BCAS1: variants seen among roughly 807,000 people sequenced by gnomAD.
The protein encoded by BCAS1 is brain enriched myelin associated protein 1, also known as breast carcinoma-amplified sequence 1.
Under a neutral mutation model 65.4 loss-of-function variants are expected in BCAS1, and 46 were observed. The ratio of observed to expected loss-of-function variants is 0.70; its 90% CI spans 0.55 to 0.90. The LOEUF is 0.90. Among genes scored for constraint, BCAS1 ranks in the 40% least tolerant of loss-of-function variants. BCAS1 has a pLI of 0.00. For synonymous variants in BCAS1, 298 were observed against 293.5 expected, an observed-to-expected ratio of 1.02 and a Z score of -0.16; for missense variants, 793 against 771.2, an observed-to-expected ratio of 1.03 and a Z score of -0.33.
intron 4 of BCAS1, among the ~76,000 whole-genome samples, chr20:54,022,871 A>G (rs968118639): frequency 2.0e-5 from 3 of 152,216 alleles, no homozygotes; most frequent in African/African-American, 7.2e-5. Context: ...ACACTTCCAC[A>G]TCACCTCTGC....
At chr20:54,000,127 T>C (rs1429403203) in intron 4 of BCAS1, among the ~76,000 whole-genome samples, 2 of 152,232 alleles carry the variant, frequency 1.3e-5, no homozygotes, top group Admixed American at 6.5e-5. Context: ...GCTTTATTTT[T>C]CTCCTAGTAG....
rs1236588857 is a variant in BCAS1 at position 54,033,844 on chromosome 20, C to A, written c.143-4872G>T. 1.3e-5 allele frequency among the ~76,000 whole-genome samples: 2 copies of A among 151,108 alleles called. 1 individual carries two copies. Among genetic ancestry groups the A allele is most frequent in the Non-Finnish European group, 3.0e-5 (2 of 67,548 alleles). On this transcript the variant is annotated intron_variant, in intron 3 of 12. Transcript: ENST00000688948. ...ATATCAAAACCTGGCAGATATACAA[C>A]AAGAAAAGCTTCAGGCCAATATCCT... is the stretch of plus-strand genomic sequence containing the variant.
intron 4 of BCAS1, among the ~76,000 whole-genome samples, chr20:54,006,521 C>T (rs907888090): frequency 1.3e-5 from 2 of 152,016 alleles, no homozygotes; most frequent in East Asian, 3.9e-4. Context: ...ACCAGCCTGG[C>T]CAACATGGTG....
chr20:54,018,036 T>A (rs1028369143), intron 4 of BCAS1, among the ~76,000 whole-genome samples: 2 of 152,240 alleles, frequency 1.3e-5, no homozygotes, highest in Non-Finnish European at 2.9e-5. Flanking sequence ...CAGTTTTGAA[T>A]GCTGCCAGAA....
chr20:54,065,345 C>T (rs1568938221), intron 1 of BCAS1, among the ~76,000 whole-genome samples: 2 of 152,162 alleles, frequency 1.3e-5, no homozygotes, highest in Non-Finnish European at 2.9e-5. Flanking sequence ...TGGAAATATG[C>T]TGTTCTTTGT....
intron 3 of BCAS1, among the ~76,000 whole-genome samples, chr20:54,029,596 T>C (rs2091757414): frequency 6.6e-6 from 1 of 152,272 alleles, no homozygotes; most frequent in South Asian, 2.1e-4. Context: ...TATCTAATTT[T>C]CTGTGCCTCA....
chr20:53,948,660 A>C (rs1247640859), intron 12 of BCAS1, among the ~76,000 whole-genome samples: 1 of 152,198 alleles, frequency 6.6e-6, no homozygotes, highest in Non-Finnish European at 1.5e-5. Flanking sequence ...CTTATATACC[A>C]GGACTACACG....
At chr20:54,032,122 C>T (rs1257080841) in intron 3 of BCAS1, among the ~76,000 whole-genome samples, 1 of 151,348 alleles carries the variant, frequency 6.6e-6, no homozygotes, top group Non-Finnish European at 1.5e-5. Flanking sequence ...CACAGACTTA[C>T]AGTGGACCTC....
In BCAS1 at chr20:53,953,590, C is replaced by T. The variant is rs193016127; in HGVS notation, c.1657G>A (p.Glu553Lys). ...GSSKDKKSAA[E>K]MNKQKSNKQE... ...TTGTTGCTCTTCTGCTTGTTCATCTCGGCTGCTGACTTCTTGTCCTTCGAG... is the reference window on the plus strand; with the variant it reads ...TTGTTGCTCTTCTGCTTGTTCATCTTGGCTGCTGACTTCTTGTCCTTCGAG... Residue 553 changes from glutamate (E) to lysine (K), a missense_variant, in exon 12 of 13, where the codon GAG (glutamate) becomes AAG (lysine). By Grantham distance (56) the Glu-to-Lys change is moderately conservative. Coordinates refer to ENST00000688948, the MANE Select transcript of BCAS1 (RefSeq NM_001366298.2). The T allele has an allele frequency of 8.1e-6, 13 of 1,613,848 alleles. No homozygotes were observed. In the Admixed American group the frequency reaches 8.3e-5, roughly 10 times the overall value.
At chr20:54,037,611 A>C (rs1364413503) in intron 3 of BCAS1, among the ~76,000 whole-genome samples, 3 of 151,564 alleles carry the variant, frequency 2.0e-5, no homozygotes, top group Non-Finnish European at 4.4e-5. Flanking sequence ...CTATAACAAG[A>C]AACATTTTAT....
At chr20:54,008,207 G>A (rs542698569) in intron 4 of BCAS1, among the ~76,000 whole-genome samples, 3 of 152,206 alleles carry the variant, frequency 2.0e-5, no homozygotes, top group East Asian at 1.9e-4. Flanking sequence ...TCACAAGACC[G>A]TAATAGGTTA....
intron 4 of BCAS1, among the ~76,000 whole-genome samples, chr20:54,001,498 T>G (rs1335710576): frequency 6.6e-6 from 1 of 152,138 alleles, no homozygotes; most frequent in African/African-American, 2.4e-5. Context: ...ATGGATAACA[T>G]TACTGCTGTA....
At chr20:53,948,525 G>A (rs184047827) in intron 12 of BCAS1, among the ~76,000 whole-genome samples, 2 of 152,290 alleles carry the variant, frequency 1.3e-5, no homozygotes, top group African/African-American at 4.8e-5. Context: ...CTTTAGGTGG[G>A]CACCTGCCCT....
chr20:54,060,240 A>G (rs2092359546), intron 1 of BCAS1, among the ~76,000 whole-genome samples: 1 of 152,264 alleles, frequency 6.6e-6, no homozygotes, highest in Non-Finnish European at 1.5e-5. Context: ...CGTGGTTAGA[A>G]CAATGTCTAG....
chr20:53,985,885 C>T (rs2090604004), intron 7 of BCAS1, among the ~76,000 whole-genome samples: 2 of 152,276 alleles, frequency 1.3e-5, no homozygotes, highest in Middle Eastern at 6.8e-3. Context: ...TCAATACATG[C>T]ATACTTATTT....
rs528875613 is a variant in BCAS1, at chr20:54,036,639, G to A, written c.143-7667C>T. Among the ~76,000 whole-genome samples, 22 of 151,194 alleles carry A rather than the reference G, an allele frequency of 1.5e-4. 1 individual carries two copies. In the South Asian group the frequency reaches 1.7e-3, roughly 12 times the overall value. On this transcript the variant is annotated intron_variant, in intron 3 of 12. Transcript: ENST00000688948. ...GAAAATAACAGTGCCTCCTTCAGAG[G>A]GTAATTCTGAGGATTAAATGAAATA...
chr20:54,028,630 T>A lies in BCAS1; in HGVS notation c.485A>T (p.Lys162Met). ...GGGATCCCTGGCGGCAGAGAGGACC[T>A]TGTCTTGGGCCGGGGCGTGCCCTGG... Reference protein sequence around the residue: ...KTPGHAPAQDKVLSAARDPTL... With the variant: ...KTPGHAPAQDMVLSAARDPTL... The change falls in exon 4 of 13, where the codon AAG becomes ATG. Residue 162 changes from lysine to methionine, a missense_variant. By Grantham distance (95) the Lys-to-Met change is moderately conservative. Coordinates refer to ENST00000688948, the MANE Select transcript of BCAS1 (RefSeq NM_001366298.2). 2 of 1,614,212 alleles carry A rather than the reference T, an allele frequency of 1.2e-6. No individual in the cohort carries two copies. The highest frequency in any genetic ancestry group is 1.7e-6 in the Non-Finnish European group (2 of 1,180,028).
intron 3 of BCAS1, among the ~76,000 whole-genome samples, chr20:54,043,738 G>A (rs1404422313): frequency 6.6e-6 from 1 of 152,194 alleles, no homozygotes; most frequent in Admixed American, 6.5e-5. Flanking sequence ...TGACTCAGGA[G>A]GTCTGGGCTC....
intron 3 of BCAS1, among the ~76,000 whole-genome samples, chr20:54,052,784 T>C (rs930781619): frequency 6.6e-6 from 1 of 152,132 alleles, no homozygotes; most frequent in African/African-American, 2.4e-5. Context: ...TCCCAGCCTC[T>C]AGAACTAAGA....
Sources: gnomAD v4.1 joint callset for allele counts (sites outside exome capture counted in the v4.1 genomes callset) on GRCh38, gnomAD v4.1.1 for gene constraint, MANE v1.5 for transcripts, NCBI Gene and HGNC (gene_info 2026-07-23, HGNC 2026-07-21) for gene names.